The following SECTM1 variants were observed in gnomAD, a reference collection of about 807,000 sequenced individuals.
SECTM1 encodes the protein secreted and transmembrane 1.
A neutral mutation model predicts 18.1 loss-of-function variants in SECTM1; 10 were observed. The ratio of observed to expected loss-of-function variants is 0.55; its 90% CI spans 0.34 to 0.94. The LOEUF (loss-of-function observed/expected upper bound fraction) is 0.94. Ranked by LOEUF, SECTM1 falls within the 40% of genes least tolerant of loss-of-function variation. SECTM1 has a pLI of 0.02. For synonymous variants in SECTM1, 137 were observed against 139.2 expected, an observed-to-expected ratio of 0.98 and a Z score of 0.11; for missense variants, 297 against 322.6, an observed-to-expected ratio of 0.92 and a Z score of 0.61.
Position 82,322,915 on chromosome 17 carries a change from G to A in SECTM1, c.500C>T (p.Ala167Val), listed in dbSNP as rs758126534. Residue 167 changes from alanine to valine, a missense_variant, in exon 4 of 5, where the codon GCC (alanine) becomes GTC (valine). Coordinates refer to ENST00000269389, the MANE Select transcript of SECTM1 (RefSeq NM_003004.3). Reference protein sequence around the residue: ...FILLVALVMFAWYRCRCSQQR... With the variant: ...FILLVALVMFVWYRCRCSQQR... ...CTGGGAACAGCGGCACCTGTACCAG[G>A]CGAACATGACCAGAGCGACCAAGAG... 1 of 1,613,904 alleles carries A rather than the reference G, an allele frequency of 6.2e-7. No individual in the cohort carries two copies. Among genetic ancestry groups the A allele is most frequent in the Admixed American group, 1.7e-5 (1 of 60,014 alleles).
chr17:82,324,531 C>CCCCTG, intron 3 of SECTM1, 51 bp downstream of exon 3: 1 of 1,031,498 alleles, frequency 9.7e-7, no homozygotes, highest in South Asian at 1.8e-5. Context: ...CCTCCCCTCC[C>CCCCTG]CGTGTCCCCT....
rs548390115 is a variant in SECTM1 at position 82,322,946 on chromosome 17, A to T, written c.469T>A (p.Phe157Ile). The change falls in exon 4 of 5, where the codon TTC becomes ATC. Residue 157 changes from phenylalanine to isoleucine, a missense_variant. By Grantham distance (21) the Phe-to-Ile change is conservative. Coordinates refer to ENST00000269389, the MANE Select transcript of SECTM1 (RefSeq NM_003004.3). ...WPVPAVVTAVFILLVALVMFA... is the reference protein window; with the variant it reads ...WPVPAVVTAVIILLVALVMFA... Reference sequence around the variant, plus strand: ...ATGACCAGAGCGACCAAGAGGATGAAGACAGCAGTGACCACCGCTGGCACA... The same window carrying T: ...ATGACCAGAGCGACCAAGAGGATGATGACAGCAGTGACCACCGCTGGCACA... The T allele has an allele frequency of 1.2e-6, 2 of 1,613,930 alleles. No individual in the cohort carries two copies. Among genetic ancestry groups the T allele is most frequent in the Non-Finnish European group, 1.7e-6 (2 of 1,179,974 alleles).
In SECTM1 at chr17:82,322,862, G is replaced by A. The variant is rs1328308966; in HGVS notation, c.537+16C>T. ...GACTCCCCACCCCGCACAAACTGGG[G>A]TGCAGGGCCTCCTACCTCCCGGCGT... On this transcript the variant is annotated intron_variant, in intron 4 of 4. Coordinates refer to ENST00000269389, the MANE Select transcript of SECTM1 (RefSeq NM_003004.3). 4.3e-6 allele frequency: 7 copies of A among 1,613,020 alleles called. No homozygotes were observed. Among genetic ancestry groups the A allele is most frequent in the Non-Finnish European group, 5.9e-6 (7 of 1,179,712 alleles).
In SECTM1 at chr17:82,327,209, T is replaced by G. The variant is rs73999869; in HGVS notation, c.32A>C (p.His11Pro). ...GAGGGTCCCAAGGGCCTGGGAAACG[T>G]GGCCAGGGAATGCCAGGGGGCAGGT... Reference protein sequence around the residue: MQTCPLAFPGHVSQALGTLLF... With the variant: MQTCPLAFPGPVSQALGTLLF... The change falls in exon 2 of 5, where the codon CAC becomes CCC. Residue 11 changes from histidine (H) to proline (P), a missense_variant. Physicochemically the swap from His to Pro is moderately conservative, Grantham distance 77 (BLOSUM62 -2). Transcript: ENST00000269389. 74,306 of 1,610,486 alleles carry G rather than the reference T, an allele frequency of 0.046. 2,050 individuals carry two copies. The highest frequency in any genetic ancestry group is 0.11 in the African/African-American group (8,000 of 74,854).
At position 82,322,236 on chromosome 17, in the gene SECTM1, C is replaced by T. The variant is rs750593727; in HGVS notation, c.672G>A (p.Val224=). 6.2e-7 allele frequency: 1 copy of T among 1,611,482 alleles called. No homozygotes were observed. Among genetic ancestry groups the T allele is most frequent in the Admixed American group, 1.7e-5 (1 of 59,732 alleles). ...GGGCTCCAAGTGGTGAGGGTTTGAA[C>T]ACCAGTGCCAGCGGCCTTGGGGTGG... The part of the protein sequence containing the change: ...SEPTPRPLAL[V]FKPSPLGALE... The change falls in exon 5 of 5, where the codon GTG becomes GTA. Residue 224 remains valine (V), a synonymous_variant. Coordinates refer to ENST00000269389, the MANE Select transcript of SECTM1 (RefSeq NM_003004.3).
chr17:82,322,907 T>C lies in SECTM1; in HGVS notation c.508A>G (p.Arg170Gly), dbSNP rs756602234. 1.9e-6 allele frequency: 3 copies of C among 1,613,712 alleles called. No individual in the cohort carries two copies. Among genetic ancestry groups the C allele is most frequent in the South Asian group, 1.1e-5 (1 of 91,080 alleles). Reference protein sequence around the residue: ...LVALVMFAWYRCRCSQQRREK... With the variant: ...LVALVMFAWYGCRCSQQRREK... ...CGGCGTTGCTGGGAACAGCGGCACC[T>C]GTACCAGGCGAACATGACCAGAGCG... The change falls in exon 4 of 5, where the codon AGG (arginine) becomes GGG (glycine). Residue 170 changes from arginine (R) to glycine (G), a missense_variant. Physicochemically the swap from Arg to Gly is moderately radical, Grantham distance 125. Coordinates refer to ENST00000269389, the MANE Select transcript of SECTM1 (RefSeq NM_003004.3).
Position 82,329,887 on chromosome 17 carries a change from C to A in SECTM1, c.-52-2595G>T, listed in dbSNP as rs149057313. Among the ~76,000 whole-genome samples, 7 of 152,288 alleles carry A rather than the reference C, an allele frequency of 4.6e-5. No individual in the cohort carries two copies. The highest frequency in any genetic ancestry group is 6.8e-3 in the Middle Eastern group (2 of 294). Reference sequence around the variant, plus strand: ...GAGACCCTGTGATGGCATCAAGGGCCCCCCTGGGTGACCCAGGACACATGC... The same window carrying A: ...GAGACCCTGTGATGGCATCAAGGGCACCCCTGGGTGACCCAGGACACATGC... On this transcript the variant is annotated intron_variant, in intron 1 of 4. Coordinates refer to ENST00000269389, the MANE Select transcript of SECTM1 (RefSeq NM_003004.3). The surrounding 1 kb of genome is among the most constrained non-coding windows in gnomAD (Gnocchi z 7.6).
In SECTM1 at chr17:82,321,735, A is replaced by C. The variant is rs2052090853; in HGVS notation, c.*426T>G. 5.7e-6 allele frequency: 1 copy of C among 175,728 alleles called. No homozygotes were observed. Among genetic ancestry groups the C allele is most frequent in the African/African-American group, 2.4e-5 (1 of 41,716 alleles). 10.9% of individuals were successfully genotyped at this position (175,728 alleles called of 1,614,324 possible). On this transcript the variant is annotated 3_prime_UTR_variant, in exon 5 of 5. Transcript: ENST00000269389. Reference sequence around the variant, plus strand: ...ATAGCCAAGGGACAGGTATGTGGCCAAGGCCCCCCACAGCCCTGAACTGGA... The same window carrying C: ...ATAGCCAAGGGACAGGTATGTGGCCCAGGCCCCCCACAGCCCTGAACTGGA...
rs1300395032 is a variant in SECTM1 at position 82,326,200 on chromosome 17, C to G, written c.94+947G>C. On this transcript the variant is annotated intron_variant, in intron 2 of 4. Coordinates refer to ENST00000269389, the MANE Select transcript of SECTM1 (RefSeq NM_003004.3). This position sits in a 1 kb window ranked among gnomAD's most constrained non-coding sequence, Gnocchi z 4.3. The stretch of plus-strand genomic sequence containing the variant: ...TCTCCCGAAACCAGGGTTCTTCCAC[C>G]TGGGATTCTTCCCTTTCAGTTTTGT... 6.6e-6 allele frequency among the ~76,000 whole-genome samples: 1 copy of G among 152,252 alleles called. No individual in the cohort carries two copies. Among genetic ancestry groups the G allele is most frequent in the Non-Finnish European group, 1.5e-5 (1 of 68,042 alleles).
rs1275847257 is a variant in SECTM1, at chr17:82,322,242, T to C, written c.666A>G (p.Ala222=). ...CAAGTGGTGAGGGTTTGAACACCAG[T>C]GCCAGCGGCCTTGGGGTGGGCTCGG... is the stretch of plus-strand genomic sequence containing the variant. ...PDSEPTPRPL[A]LVFKPSPLGA... The change falls in exon 5 of 5, where the codon GCA becomes GCG. Residue 222 remains alanine (A), a synonymous_variant. Transcript: ENST00000269389. The C allele has an allele frequency of 6.2e-7, 1 of 1,611,216 alleles. No homozygotes were observed. The highest frequency in any genetic ancestry group is 8.5e-7 in the Non-Finnish European group (1 of 1,178,186).
intron 3 of SECTM1, 122 bp downstream of exon 3, chr17:82,324,460 C>T (rs2052126742): frequency 2.7e-6 from 3 of 1,095,694 alleles, no homozygotes; most frequent in South Asian, 1.6e-5. Flanking sequence ...CAGCCCGGCT[C>T]ATGCCTGCTC....
rs1310958191 is a variant in SECTM1 at position 82,321,360 on chromosome 17, A to G, written c.*801T>C. On this transcript the variant is annotated 3_prime_UTR_variant, in exon 5 of 5. Coordinates refer to ENST00000269389, the MANE Select transcript of SECTM1 (RefSeq NM_003004.3). The stretch of plus-strand genomic sequence containing the variant: ...TATTCGAGTCATGGAACTTTTTCAA[A>G]GAACTGAAGGGGGATTCCCGGTGAT... 1 of 152,254 alleles carries G rather than the reference A, an allele frequency of 6.6e-6. No homozygotes were observed. The highest frequency in any genetic ancestry group is 1.5e-5 in the Non-Finnish European group (1 of 68,032). 9.4% of individuals were successfully genotyped at this position (152,254 alleles called of 1,614,324 possible). A position where few individuals can be genotyped will look rare whatever the true frequency, so the allele number is the denominator to read the frequency against.
chr17:82,331,097 G>T (rs959224818), intron 1 of SECTM1, among the ~76,000 whole-genome samples: 1 of 152,194 alleles, frequency 6.6e-6, no homozygotes, highest in Non-Finnish European at 1.5e-5. Flanking sequence ...GTGAAGGGCG[G>T]CAAGGGATGG....
rs2052138131 is a variant in SECTM1 at position 82,325,473 on chromosome 17, G to A, written c.95-583C>T. Among the ~76,000 whole-genome samples, 1 of 152,236 alleles carries A rather than the reference G, an allele frequency of 6.6e-6. No homozygotes were observed. Among genetic ancestry groups the A allele is most frequent in the African/African-American group, 2.4e-5 (1 of 41,460 alleles). ...AGCCTGTCCTTGTGGGGCCCAGCCT[G>A]CTTGTGCCACCCCCAACATTCCCTT... On this transcript the variant is annotated intron_variant, in intron 2 of 4. Coordinates refer to ENST00000269389, the MANE Select transcript of SECTM1 (RefSeq NM_003004.3). This position sits in a 1 kb window ranked among gnomAD's most constrained non-coding sequence, Gnocchi z 7.6.
chr17:82,322,475 AC>A, intron 4 of SECTM1, 105 bp from the exon 5 acceptor site: 2 of 1,078,644 alleles, frequency 1.9e-6, no homozygotes, highest in Non-Finnish European at 2.8e-6. Flanking sequence ...GCTCATGCAC[AC>A]CCCCACCCCC....
Position 82,328,780 on chromosome 17 carries a change from A to T in SECTM1, c.-52-1488T>A, listed in dbSNP as rs2052168422. ...TTCAGCCGAGAGAACTCCACCTTCG[A>T]AGGCGGCTGGGGCAAGGGTTCGTGG... On this transcript the variant is annotated intron_variant, in intron 1 of 4. Coordinates refer to ENST00000269389, the MANE Select transcript of SECTM1 (RefSeq NM_003004.3). The surrounding 1 kb of genome is among the most constrained non-coding windows in gnomAD (Gnocchi z 5.8). Among the ~76,000 whole-genome samples the T allele has an allele frequency of 6.6e-6, 1 of 152,108 alleles. No individual in the cohort carries two copies. Among genetic ancestry groups the T allele is most frequent in the Non-Finnish European group, 1.5e-5 (1 of 68,004 alleles).
rs71166201 is a variant in SECTM1 at position 82,326,624 on chromosome 17, T to TAAGAA, written c.94+518_94+522dup. The stretch of plus-strand genomic sequence containing the variant: ...TAGAACCCGTCTCAAAAAAAAAAGA[T>TAAGAA]AAGAAAAGAAAAGCCCCTCAGGTCA... On this transcript the variant is annotated intron_variant, in intron 2 of 4. Coordinates refer to ENST00000269389, the MANE Select transcript of SECTM1 (RefSeq NM_003004.3). This position sits in a 1 kb window ranked among gnomAD's most constrained non-coding sequence, Gnocchi z 4.3. 3.2e-4 allele frequency among the ~76,000 whole-genome samples: 48 copies of TAAGAA among 150,410 alleles called. No homozygotes were observed. Among genetic ancestry groups the TAAGAA allele is most frequent in the African/African-American group, 4.9e-4 (20 of 40,936 alleles).
At chr17:82,323,894 T>C (rs2052121044) in intron 3 of SECTM1, among the ~76,000 whole-genome samples, 1 of 143,440 alleles carries the variant, frequency 7.0e-6, no homozygotes, top group East Asian at 2.1e-4. Context: ...CAGAGAAGGG[T>C]CGGGGGTGGT....
At chr17:82,323,682 G>T (rs935038720) in intron 3 of SECTM1, among the ~76,000 whole-genome samples, 4 of 152,080 alleles carry the variant, frequency 2.6e-5, no homozygotes, top group African/African-American at 9.7e-5. Flanking sequence ...TGCTCTGCTG[G>T]CCACCACTGC....
Sources: gnomAD v4.1 joint callset for allele counts (sites outside exome capture counted in the v4.1 genomes callset) on GRCh38, gnomAD v4.1.1 for gene constraint, Gnocchi (gnomAD v3.1) non-coding constraint, MANE v1.5 for transcripts, NCBI Gene and HGNC (gene_info 2026-07-23, HGNC 2026-07-21) for gene names.